The following RELN variants were observed in gnomAD, a reference collection of about 807,000 sequenced individuals.
The protein encoded by RELN is reelin.
In RELN, 108 loss-of-function variants were observed where a neutral mutation model predicts 427.6. That is an observed-to-expected ratio of 0.25 (90% confidence interval 0.22 to 0.30). RELN has a LOEUF of 0.30. RELN is among the 10% of genes least tolerant of loss of function. The probability of loss-of-function intolerance (pLI) is 1.00; values close to 1 mark genes in which losing one functional copy is unlikely to be tolerated. For missense variants in RELN, 3,715 were observed against 4,302.8 expected, an observed-to-expected ratio of 0.86 and a Z score of 3.82; for synonymous variants, 1,524 against 1,513.4, an observed-to-expected ratio of 1.01 and a Z score of -0.16.
At chr7:103,854,734 G>A (rs1310672351) in intron 2 of RELN, among the ~76,000 whole-genome samples, 1 of 152,144 alleles carries the variant, frequency 6.6e-6, no homozygotes, top group African/African-American at 2.4e-5. Context: ...ACCCTTCAAG[G>A]GAACAAAGAA....
In RELN at chr7:103,490,965, A is replaced by G. The variant is rs370620905; in HGVS notation, c.9444-136T>C. The G allele has an allele frequency of 6.2e-5, 47 of 763,748 alleles. No homozygotes were observed. The East Asian group carries it at 7.8e-4, about 13-fold the overall frequency. The allele number at this position is 763,748 out of a possible 1,614,324, so 47.3% of individuals were successfully genotyped here. Reference sequence around the variant, plus strand: ...TTCCTGTTTTCTATAAACATTTATAATTACAGATTATAAAAAAATTAAAAT... The same window carrying G: ...TTCCTGTTTTCTATAAACATTTATAGTTACAGATTATAAAAAAATTAAAAT... On this transcript the variant is annotated intron_variant, in intron 58 of 64. Transcript: ENST00000428762.
At chr7:103,633,510 G>A (rs1206724592) in intron 19 of RELN, among the ~76,000 whole-genome samples, 1 of 151,158 alleles carries the variant, frequency 6.6e-6, no homozygotes, top group Non-Finnish European at 1.5e-5. Flanking sequence ...AGGCGTTTTT[G>A]CTACCATTAC....
At chr7:103,867,435 C>G (rs1238842444) in intron 2 of RELN, among the ~76,000 whole-genome samples, 1 of 151,552 alleles carries the variant, frequency 6.6e-6, no homozygotes, top group Admixed American at 6.6e-5. Flanking sequence ...TCATAGAAGA[C>G]TCGTGCTACT....
At chr7:103,970,712 A>C (rs1358440350) in intron 1 of RELN, among the ~76,000 whole-genome samples, 1 of 152,222 alleles carries the variant, frequency 6.6e-6, no homozygotes, top group African/African-American at 2.4e-5. Flanking sequence ...CACATAAAAC[A>C]AAGTTATGTA....
At chr7:103,553,898 G>C in intron 38 of RELN, 67 bp from the exon 39 acceptor site, 2 of 1,378,202 alleles carry the variant, frequency 1.5e-6, no homozygotes, top group Non-Finnish European at 2.1e-6. Context: ...TTTGCTCATT[G>C]AAAGAAAGCA....
chr7:103,869,826 A>C (rs987116786), intron 2 of RELN, among the ~76,000 whole-genome samples: 2 of 152,144 alleles, frequency 1.3e-5, no homozygotes, highest in Admixed American at 6.6e-5. Flanking sequence ...TTAGTTTTTC[A>C]AATATCTGTA....
intron 2 of RELN, among the ~76,000 whole-genome samples, chr7:103,840,031 T>C (rs1265608080): frequency 6.6e-6 from 1 of 152,198 alleles, no homozygotes; most frequent in Non-Finnish European, 1.5e-5. Context: ...TCCGGCCATA[T>C]GAAAACATAC....
intron 2 of RELN, among the ~76,000 whole-genome samples, chr7:103,851,897 G>A (rs1268655288): frequency 6.6e-6 from 1 of 152,172 alleles, no homozygotes; most frequent in Non-Finnish European, 1.5e-5. Flanking sequence ...CAGAAAATGT[G>A]AGCCCTCTGT....
chr7:103,491,852 TCTCTCACACACACACACA>T lies in RELN; in HGVS notation c.9443+83_9443+100del, dbSNP rs1370775481. The stretch of plus-strand genomic sequence containing the variant: ...CTCTCTCTCTCTCTCTCTCTCTCTC[TCTCTCACACACACACACA>T]CACACACACACACACACACACACAC... On this transcript the variant is annotated intron_variant, in intron 58 of 64. Transcript: ENST00000428762. The T allele has an allele frequency of 5.8e-4, 254 of 439,584 alleles. 1 individual carries two copies. In the African/African-American group the frequency reaches 7.1e-3, roughly 12 times the overall value. The allele number at this position is 439,584 out of a possible 1,614,324, so 27.2% of individuals were successfully genotyped here. A position where few individuals can be genotyped will look rare whatever the true frequency, so the allele number is the denominator to read the frequency against.
chr7:103,728,578 A>G (rs1790272291), intron 6 of RELN, among the ~76,000 whole-genome samples: 1 of 152,170 alleles, frequency 6.6e-6, no homozygotes, highest in African/African-American at 2.4e-5. Context: ...GCATTTAATG[A>G]AAGATGATAT....
chr7:103,900,231 A>G (rs1795053600), intron 2 of RELN, among the ~76,000 whole-genome samples: 1 of 152,148 alleles, frequency 6.6e-6, no homozygotes, highest in African/African-American at 2.4e-5. Flanking sequence ...TAGGAATACA[A>G]CTTAGAAGAT....
At chr7:103,902,587 A>G (rs1795107384) in intron 2 of RELN, among the ~76,000 whole-genome samples, 1 of 152,100 alleles carries the variant, frequency 6.6e-6, no homozygotes, top group Non-Finnish European at 1.5e-5. Flanking sequence ...CAATTTTGCT[A>G]TTCTGTTTTC....
chr7:103,924,991 TACACACACACACAC>T (rs57662220), intron 1 of RELN, among the ~76,000 whole-genome samples: 44 of 49,100 alleles, frequency 9.0e-4, no homozygotes, highest in East Asian at 3.1e-3. Context: ...CGCATACACA[TACACACACACACAC>T]ACACACACAC....
intron 2 of RELN, among the ~76,000 whole-genome samples, chr7:103,899,961 G>A (rs1795047058): frequency 1.3e-5 from 2 of 152,074 alleles, no homozygotes; most frequent in Non-Finnish European, 2.9e-5. Flanking sequence ...AATCAGGCAG[G>A]AGAAAGAAAT....
At chr7:103,517,935 C>T (rs757740612) in intron 49 of RELN, among the ~76,000 whole-genome samples, 32 of 152,174 alleles carry the variant, frequency 2.1e-4, no homozygotes, top group East Asian at 3.8e-4. Context: ...AAAGGAAGTA[C>T]GTGCAGCTGT....
At chr7:103,478,748 G>T (rs116041629) in intron 63 of RELN, among the ~76,000 whole-genome samples, 2,279 of 152,106 alleles carry the variant, frequency 0.015, 68 homozygotes, top group African/African-American at 0.053. Flanking sequence ...ATTTTACATT[G>T]TAAGAAATAC....
intron 1 of RELN, among the ~76,000 whole-genome samples, chr7:103,932,358 T>C (rs777598831): frequency 3.3e-5 from 5 of 152,064 alleles, no homozygotes; most frequent in African/African-American, 1.2e-4. Flanking sequence ...AACACAAAGA[T>C]GGGAACAACA....
intron 24 of RELN, among the ~76,000 whole-genome samples, chr7:103,600,372 A>T (rs1831636591): frequency 6.6e-6 from 1 of 152,086 alleles, no homozygotes; most frequent in Non-Finnish European, 1.5e-5. Context: ...ATTATAGCAC[A>T]CCATTCCTCC....
intron 2 of RELN, among the ~76,000 whole-genome samples, chr7:103,840,009 T>A (rs1793512910): frequency 6.6e-6 from 1 of 152,228 alleles, no homozygotes; most frequent in Admixed American, 6.5e-5. Flanking sequence ...GTAACACTTC[T>A]CTTTCTCTCT....
Sources: gnomAD v4.1 joint callset for allele counts (sites outside exome capture counted in the v4.1 genomes callset) on GRCh38, gnomAD v4.1.1 for gene constraint, MANE v1.5 for transcripts, NCBI Gene and HGNC (gene_info 2026-07-23, HGNC 2026-07-21) for gene names.